Variants in ROBO2 observed in about 807,000 individuals in gnomAD.
ROBO2 encodes roundabout homolog 2.
ROBO2 carries 53 observed loss-of-function variants against 160.8 expected under a neutral mutation model. The observed-to-expected ratio is 0.33, with a 90% CI of 0.26 to 0.41. ROBO2 has a LOEUF of 0.41. Ranked by LOEUF, ROBO2 falls within the 10% of genes least tolerant of loss-of-function variation. ROBO2 has a pLI of 1.00. For missense variants in ROBO2, 1,577 were observed against 1,722.4 expected (o/e 0.92, Z 1.49); for synonymous variants, 664 against 611.7 (o/e 1.09, Z -1.26).
At chr3:76,056,945 TA>T (rs1559873881) in intron 2 of ROBO2, among the ~76,000 whole-genome samples, 1 of 152,136 alleles carries the variant, frequency 6.6e-6, no homozygotes, top group Non-Finnish European at 1.5e-5. Flanking sequence ...ATGGTCCTTT[TA>T]AAAAAATGAT....
At chr3:77,575,323 C>G (rs2093733947) in intron 14 of ROBO2, among the ~76,000 whole-genome samples, 1 of 151,938 alleles carries the variant, frequency 6.6e-6, no homozygotes, top group African/African-American at 2.4e-5. Context: ...ATCTCTTTCA[C>G]TAAACAAGAG....
At chr3:77,474,265 A>G (rs1285141883) in intron 2 of ROBO2, among the ~76,000 whole-genome samples, 1 of 152,128 alleles carries the variant, frequency 6.6e-6, no homozygotes, top group Non-Finnish European at 1.5e-5. Flanking sequence ...GTATATAAGC[A>G]TTGGTATACC....
At chr3:76,721,598 C>T (rs935814526) in intron 2 of ROBO2, among the ~76,000 whole-genome samples, 4 of 152,180 alleles carry the variant, frequency 2.6e-5, no homozygotes, top group African/African-American at 9.7e-5. Context: ...ATCTTCAAAG[C>T]TCGATTCTGG....
At chr3:76,165,692 T>A (rs955047574) in intron 2 of ROBO2, among the ~76,000 whole-genome samples, 7 of 152,136 alleles carry the variant, frequency 4.6e-5, no homozygotes, top group Admixed American at 1.3e-4. Flanking sequence ...GTGGGAGACA[T>A]GCATCTCTTC....
At chr3:77,036,764 C>T (rs2063659993), upstream of ROBO2, among the ~76,000 whole-genome samples, 1 of 151,922 alleles carries the variant, frequency 6.6e-6, no homozygotes, top group African/African-American at 2.4e-5. Context: ...GCCAGATCCC[C>T]ATTTGATTTT....
At chr3:76,170,678 T>C (rs2073007510) in intron 2 of ROBO2, among the ~76,000 whole-genome samples, 1 of 152,172 alleles carries the variant, frequency 6.6e-6, no homozygotes, top group South Asian at 2.1e-4. Flanking sequence ...AGAATAGTAA[T>C]GGTTCTTAGG....
chr3:77,427,105 G>C (rs2078289174), intron 2 of ROBO2, among the ~76,000 whole-genome samples: 1 of 152,148 alleles, frequency 6.6e-6, no homozygotes, highest in South Asian at 2.1e-4. Flanking sequence ...GGAATGTGCG[G>C]AATATGAGCA....
intron 2 of ROBO2, among the ~76,000 whole-genome samples, chr3:76,104,290 A>C (rs2069828861): frequency 6.6e-6 from 1 of 152,232 alleles, no homozygotes; most frequent in Non-Finnish European, 1.5e-5. Context: ...CAAAGTACTG[A>C]AGCCAGAAAG....
chr3:77,434,785 A>C (rs545983802), intron 2 of ROBO2, among the ~76,000 whole-genome samples: 1 of 152,176 alleles, frequency 6.6e-6, no homozygotes, highest in Admixed American at 6.6e-5. Flanking sequence ...AAATTGAATA[A>C]ATTGTGTACC....
At chr3:75,988,640 A>T (rs2065481130) in intron 2 of ROBO2, among the ~76,000 whole-genome samples, 1 of 152,042 alleles carries the variant, frequency 6.6e-6, no homozygotes, top group Non-Finnish European at 1.5e-5. Flanking sequence ...TTTTCTCCTT[A>T]GCACTTATTT....
chr3:77,590,195 C>T (rs544674926), intron 17 of ROBO2, among the ~76,000 whole-genome samples: 1 of 152,206 alleles, frequency 6.6e-6, no homozygotes, highest in African/African-American at 2.4e-5. Context: ...GAAGACATTT[C>T]CAGGACTAGA....
intron 2 of ROBO2, among the ~76,000 whole-genome samples, chr3:76,964,350 T>A (rs2079908314): frequency 6.6e-6 from 1 of 152,170 alleles, no homozygotes; most frequent in Non-Finnish European, 1.5e-5. Context: ...TTTTGTTTTG[T>A]TTTGTTTTTG....
chr3:76,229,593 G>T (rs1259346162), intron 2 of ROBO2, among the ~76,000 whole-genome samples: 7 of 152,092 alleles, frequency 4.6e-5, no homozygotes, highest in Admixed American at 4.6e-4. Flanking sequence ...ACCATGATAT[G>T]CATATAATGA....
intron 2 of ROBO2, among the ~76,000 whole-genome samples, chr3:76,226,470 T>C (rs975599583): frequency 2.0e-5 from 3 of 152,128 alleles, no homozygotes; most frequent in African/African-American, 7.2e-5. Flanking sequence ...CATATTTCTG[T>C]CTACACTATT....
In ROBO2 at chr3:76,943,270, C is replaced by G. The variant is rs550298739; in HGVS notation, c.110-154744C>G. 1.7e-3 allele frequency among the ~76,000 whole-genome samples: 255 copies of G among 152,304 alleles called. 1 individual carries two copies. Among genetic ancestry groups the G allele is most frequent in the African/African-American group, 5.2e-3 (217 of 41,564 alleles). Reference sequence around the variant, plus strand: ...CTGGGGAATTCCCTTCCATGAGCCTCTGACCCCCTTTATCTTGAGTTGTTA... The same window carrying G: ...CTGGGGAATTCCCTTCCATGAGCCTGTGACCCCCTTTATCTTGAGTTGTTA... On this transcript the variant is annotated intron_variant, in intron 2 of 26. Transcript: ENST00000487694.
chr3:76,365,027 AAGAG>A (rs1257200849), intron 2 of ROBO2, among the ~76,000 whole-genome samples: 3 of 151,982 alleles, frequency 2.0e-5, no homozygotes, highest in Admixed American at 1.3e-4. Flanking sequence ...ACTCAAGTCT[AAGAG>A]AGATTAAAGT....
intron 2 of ROBO2, among the ~76,000 whole-genome samples, chr3:76,619,734 C>G (rs906321605): frequency 2.0e-5 from 3 of 152,158 alleles, no homozygotes; most frequent in Non-Finnish European, 4.4e-5. Context: ...AACATCACAG[C>G]CCTCCTGGGT....
intron 2 of ROBO2, among the ~76,000 whole-genome samples, chr3:76,634,213 G>A (rs2090186642): frequency 6.6e-6 from 1 of 152,124 alleles, no homozygotes; most frequent in African/African-American, 2.4e-5. Flanking sequence ...TCCTCACATG[G>A]TCTTCCTTCT....
chr3:77,032,911 G>A (rs2063408793), intron 2 of ROBO2, among the ~76,000 whole-genome samples: 1 of 152,178 alleles, frequency 6.6e-6, no homozygotes, highest in African/African-American at 2.4e-5. Flanking sequence ...CAACTGCAAG[G>A]AGGGCTGGGG....
Sources: allele counts gnomAD v4.1 joint callset (sites outside exome capture counted in the v4.1 genomes callset), GRCh38; gene constraint gnomAD v4.1.1; transcripts MANE v1.5; gene names NCBI Gene and HGNC (gene_info 2026-07-23, HGNC 2026-07-21).